NSF: variants seen among roughly 807,000 people sequenced by gnomAD.
The protein encoded by NSF is N-ethylmaleimide sensitive factor, vesicle fusing ATPase.
In NSF, 14 loss-of-function variants were observed where a neutral mutation model predicts 50.3. The observed-to-expected ratio is 0.28, with a 90% CI of 0.18 to 0.44. The LOEUF is 0.44. NSF is among the 20% of genes least tolerant of loss of function. NSF has a pLI of 1.00. For synonymous variants in NSF, 109 were observed against 175.7 expected, an observed-to-expected ratio of 0.62 and a Z score of 3.00; for missense variants, 218 against 504.3, an observed-to-expected ratio of 0.43 and a Z score of 5.44.
At chr17:46,735,559 A>G (rs571286739) in intron 17 of NSF, among the ~76,000 whole-genome samples, 4 of 152,008 alleles carry the variant, frequency 2.6e-5, no homozygotes, top group Non-Finnish European at 4.4e-5. Context: ...CTATTTCTTC[A>G]TCTGTAAAAT....
chr17:46,728,783 A>G, intron 16 of NSF, 72 bp from the exon 17 acceptor site: 2 of 1,150,870 alleles, frequency 1.7e-6, no homozygotes, highest in East Asian at 4.9e-5. Flanking sequence ...CAAAAAAAAA[A>G]AACAAAAACT....
intron 15 of NSF, among the ~76,000 whole-genome samples, chr17:46,714,682 C>A (rs2058751597): frequency 6.6e-6 from 1 of 152,212 alleles, no homozygotes; most frequent in Non-Finnish European, 1.5e-5. Flanking sequence ...AATGGCTGTT[C>A]CATCTTACTT....
intron 17 of NSF, among the ~76,000 whole-genome samples, chr17:46,742,167 A>G (rs1442880217): frequency 1.3e-5 from 2 of 152,230 alleles, no homozygotes; most frequent in African/African-American, 4.8e-5. Flanking sequence ...ATTAAAAGAG[A>G]TAAGCCAGAC....
chr17:46,732,784 A>C (rs1050801560), intron 17 of NSF, among the ~76,000 whole-genome samples: 1 of 152,210 alleles, frequency 6.6e-6, no homozygotes, highest in Non-Finnish European at 1.5e-5. Flanking sequence ...TGTGTTCTGC[A>C]GGAGAAGAGA....
At chr17:46,598,464 A>T (rs1485343355) in intron 1 of NSF, among the ~76,000 whole-genome samples, 1 of 152,004 alleles carries the variant, frequency 6.6e-6, no homozygotes, top group African/African-American at 2.4e-5. Flanking sequence ...AAATACACAT[A>T]CTTTAGTGCA....
At position 46,711,094 on chromosome 17, in the gene NSF, A is replaced by G. The variant is rs1169828178; in HGVS notation, c.1602A>G (p.Thr534=). The G allele has an allele frequency of 6.5e-7, 1 of 1,541,622 alleles. No individual in the cohort carries two copies. The highest frequency in any genetic ancestry group is 1.4e-5 in the African/African-American group (1 of 70,348). Residue 534 remains threonine (T), a synonymous_variant, in exon 14 of 21, where the codon ACA becomes ACG. Transcript: ENST00000398238. ...AGCAGACTAAGAACAGTGACCGCACACCATTGGTCAGCGTGCTTCTGGAAG... is the reference window on the plus strand; with the variant it reads ...AGCAGACTAAGAACAGTGACCGCACGCCATTGGTCAGCGTGCTTCTGGAAG... ...LVQQTKNSDR[T]PLVSVLLEGP...
At chr17:46,679,785 T>C (rs1315482191) in intron 9 of NSF, among the ~76,000 whole-genome samples, 3 of 151,454 alleles carry the variant, frequency 2.0e-5, no homozygotes, top group East Asian at 3.9e-4. Context: ...TTCCAAAGCA[T>C]AGGGAGGAGC....
At chr17:46,731,351 AG>A (rs2146301162) in intron 17 of NSF, among the ~76,000 whole-genome samples, 1 of 152,248 alleles carries the variant, frequency 6.6e-6, no homozygotes, top group Admixed American at 6.5e-5. Flanking sequence ...GAGAAGAGTG[AG>A]AGGGTCACTG....
rs2058811274 is a variant in NSF, at chr17:46,719,925, A to G, written c.1761+5939A>G. 6.6e-6 allele frequency among the ~76,000 whole-genome samples: 1 copy of G among 152,202 alleles called. No homozygotes were observed. Among genetic ancestry groups the G allele is most frequent in the African/African-American group, 2.4e-5 (1 of 41,452 alleles). On this transcript the variant is annotated intron_variant, in intron 15 of 20. Coordinates refer to ENST00000398238, the MANE Select transcript of NSF (RefSeq NM_006178.4). The surrounding 1 kb of genome is among the most constrained non-coding windows in gnomAD (Gnocchi z 4.3). ...CCCATTAATAACATGATATAGTCTT[A>G]TTTTCAAAGGATTGAAAATTAATGG...
chr17:46,714,049 T>C (rs1480786242), intron 15 of NSF, 63 bp downstream of exon 15: 11 of 1,506,784 alleles, frequency 7.3e-6, no homozygotes, highest in African/African-American at 1.4e-5. Flanking sequence ...TGTGCACATA[T>C]ATATGCCTTT....
At chr17:46,726,710 T>C (rs2058893230) in intron 16 of NSF, 95 bp downstream of exon 16, 1 of 1,084,270 alleles carries the variant, frequency 9.2e-7, no homozygotes, top group Admixed American at 1.7e-5. Context: ...TTATAAACTG[T>C]AAAGCAATAG....
chr17:46,721,530 A>G, intron 15 of NSF: 1 of 1,137,590 alleles, frequency 8.8e-7, no homozygotes, highest in South Asian at 1.2e-5. Context: ...CTGACTATAC[A>G]TTCTTTTTCT....
intron 17 of NSF, among the ~76,000 whole-genome samples, chr17:46,744,728 T>G (rs1178164913): frequency 6.6e-6 from 1 of 152,222 alleles, no homozygotes; most frequent in African/African-American, 2.4e-5. Flanking sequence ...GTTGGTCCTT[T>G]GTGTGGCAAA....
chr17:46,752,291 TC>T (rs1372128540), intron 19 of NSF, among the ~76,000 whole-genome samples: 1 of 152,126 alleles, frequency 6.6e-6, no homozygotes, highest in Non-Finnish European at 1.5e-5. Context: ...ACTCCACCCT[TC>T]CATGTGCCCA....
intron 12 of NSF, among the ~76,000 whole-genome samples, chr17:46,699,402 G>GACACACACACACACAC (rs4061825): frequency 3.4e-5 from 5 of 148,212 alleles, no homozygotes; most frequent in African/African-American, 9.9e-5. Flanking sequence ...ATAAACTGAG[G>GACACACACACACACAC]ACACACACAC....
chr17:46,722,047 G>A lies in NSF; in HGVS notation c.1762-4502G>A, dbSNP rs1207252647. On this transcript the variant is annotated intron_variant, in intron 15 of 20. Coordinates refer to ENST00000398238, the MANE Select transcript of NSF (RefSeq NM_006178.4). ...TGGCTGCCGTAATATTCAGCTCCCT[G>A]AGCTGAGCCTTGAGGTCCGAGTTCA... The A allele has an allele frequency of 3.7e-6, 6 of 1,609,776 alleles. No individual in the cohort carries two copies. In the East Asian group the frequency reaches 1.3e-4, roughly 36 times the overall value.
At chr17:46,707,907 C>T (rs1294216281) in intron 13 of NSF, among the ~76,000 whole-genome samples, 17 of 152,044 alleles carry the variant, frequency 1.1e-4, no homozygotes, top group Non-Finnish European at 2.4e-4. Flanking sequence ...GTGGCACACA[C>T]CTGTAATCCC....
chr17:46,717,256 A>G (rs907927739), intron 15 of NSF, among the ~76,000 whole-genome samples: 2 of 152,218 alleles, frequency 1.3e-5, no homozygotes, highest in African/African-American at 4.8e-5. Context: ...AGAAAGTCAA[A>G]TATCACATGT....
At chr17:46,707,770 G>C (rs1251740212) in intron 13 of NSF, among the ~76,000 whole-genome samples, 1 of 152,082 alleles carries the variant, frequency 6.6e-6, no homozygotes, top group African/African-American at 2.4e-5. Flanking sequence ...GGTGGCTCTT[G>C]CCTGTAATCC....
Sources: allele counts gnomAD v4.1 joint callset (sites outside exome capture counted in the v4.1 genomes callset), GRCh38; gene constraint gnomAD v4.1.1; non-coding constraint Gnocchi (gnomAD v3.1); transcripts MANE v1.5; gene names NCBI Gene and HGNC (gene_info 2026-07-23, HGNC 2026-07-21).